The following MPP7 variants were observed in gnomAD, a reference collection of about 807,000 sequenced individuals.
The protein encoded by MPP7 is MAGUK p55 subfamily member 7.
MPP7 carries 60 observed loss-of-function variants against 76.5 expected under a neutral mutation model. The ratio of observed to expected loss-of-function variants is 0.78; its 90% CI spans 0.64 to 0.97. The LOEUF (loss-of-function observed/expected upper bound fraction) is 0.97. Ranked by LOEUF, MPP7 falls within the 50% of genes least tolerant of loss-of-function variation. MPP7 has a pLI of 0.00. For synonymous variants in MPP7, 237 were observed against 244.5 expected (o/e 0.97, Z 0.29); for missense variants, 641 against 694.0 (o/e 0.92, Z 0.86).
intron 1 of MPP7, among the ~76,000 whole-genome samples, chr10:28,287,696 GGAA>G (rs1840820901): frequency 1.3e-5 from 2 of 152,134 alleles, no homozygotes; most frequent in African/African-American, 4.8e-5. Flanking sequence ...AAGCTGGAGG[GGAA>G]GAAGACTTTT....
chr10:28,305,035 G>A (rs964758191), upstream of MPP7, among the ~76,000 whole-genome samples: 8 of 152,122 alleles, frequency 5.3e-5, no homozygotes, highest in Admixed American at 5.2e-4. Flanking sequence ...CAGAGGGATG[G>A]GAGACACACT....
At chr10:28,074,521 T>C (rs989714251) in intron 12 of MPP7, among the ~76,000 whole-genome samples, 6 of 152,276 alleles carry the variant, frequency 3.9e-5, no homozygotes, top group Middle Eastern at 3.4e-3. Flanking sequence ...GGTCTCAAAC[T>C]CCTGGCCTCA....
intron 11 of MPP7, among the ~76,000 whole-genome samples, chr10:28,100,232 T>A (rs1853763166): frequency 6.6e-6 from 1 of 152,054 alleles, no homozygotes; most frequent in African/African-American, 2.4e-5. Flanking sequence ...ATAAAAACAT[T>A]TTGAATATAA....
intron 1 of MPP7, among the ~76,000 whole-genome samples, chr10:28,268,127 G>C (rs906771787): frequency 1.3e-5 from 2 of 152,018 alleles, no homozygotes; most frequent in Non-Finnish European, 2.9e-5. Flanking sequence ...TAGAGAGGAG[G>C]CATACTCTAT....
At chr10:28,313,882 TTTTG>T (rs1841304908) in intron 2 of MPP7, among the ~76,000 whole-genome samples, 1 of 126,090 alleles carries the variant, frequency 7.9e-6, no homozygotes, top group African/African-American at 3.1e-5. Context: ...TTTTATTTTT[TTTTG>T]GTAGAGACAG....
intron 1 of MPP7, among the ~76,000 whole-genome samples, chr10:28,299,814 G>A (rs929044824): frequency 2.1e-5 from 3 of 143,428 alleles, no homozygotes; most frequent in Admixed American, 7.3e-5. Context: ...GGCCCAGGCT[G>A]GAGTGCAGTG....
intron 7 of MPP7, among the ~76,000 whole-genome samples, chr10:28,124,493 T>TG (rs1834947718): frequency 6.8e-6 from 1 of 146,812 alleles, no homozygotes; most frequent in Non-Finnish European, 1.5e-5. Flanking sequence ...TTTTTTTTTT[T>TG]GAGACGGAGT....
chr10:28,185,341 G>A (rs552546170), intron 3 of MPP7, among the ~76,000 whole-genome samples: 2 of 151,966 alleles, frequency 1.3e-5, no homozygotes, highest in Non-Finnish European at 2.9e-5. Context: ...GGCTCACAAT[G>A]CCAGCTCTGA....
At chr10:28,191,216 A>G (rs1335943829) in intron 3 of MPP7, among the ~76,000 whole-genome samples, 2 of 152,212 alleles carry the variant, frequency 1.3e-5, no homozygotes, top group Non-Finnish European at 2.9e-5. Flanking sequence ...GGGAGAAATT[A>G]TACCAATTCT....
chr10:28,137,388 T>C (rs1254437883), intron 5 of MPP7, among the ~76,000 whole-genome samples: 3 of 152,192 alleles, frequency 2.0e-5, no homozygotes, highest in Non-Finnish European at 2.9e-5. Context: ...TGTGGGTCCA[T>C]ACAGAGGAAT....
chr10:28,157,111 G>T (rs181458440), intron 3 of MPP7, among the ~76,000 whole-genome samples: 39 of 152,200 alleles, frequency 2.6e-4, no homozygotes, highest in African/African-American at 8.9e-4. Context: ...TCGGGAGGCT[G>T]AGACAGGAGA....
chr10:28,083,323 A>G (rs1852849715), intron 12 of MPP7, among the ~76,000 whole-genome samples: 1 of 152,112 alleles, frequency 6.6e-6, no homozygotes, highest in African/African-American at 2.4e-5. Flanking sequence ...CTTGGCCATC[A>G]CCAGATCCCA....
chr10:28,241,587 T>G (rs528678231), intron 1 of MPP7, among the ~76,000 whole-genome samples: 6 of 152,284 alleles, frequency 3.9e-5, no homozygotes. Flanking sequence ...GCAGCCATAA[T>G]TATTACTGAC....
chr10:28,082,087 T>C (rs559260381), intron 12 of MPP7, among the ~76,000 whole-genome samples: 20 of 152,340 alleles, frequency 1.3e-4, no homozygotes, highest in African/African-American at 4.8e-4. Context: ...ATGACACTTA[T>C]ACTTTTTCCA....
intron 1 of MPP7, among the ~76,000 whole-genome samples, chr10:28,273,726 A>C (rs1407378873): frequency 6.6e-6 from 1 of 152,242 alleles, no homozygotes; most frequent in Non-Finnish European, 1.5e-5. Context: ...TGCAGAACGC[A>C]ATTATTCTGC....
intron 2 of MPP7, among the ~76,000 whole-genome samples, chr10:28,321,209 G>A (rs888889852): frequency 2.0e-5 from 3 of 152,124 alleles, no homozygotes; most frequent in Non-Finnish European, 4.4e-5. Context: ...TATATTTGGG[G>A]CATATTGTTC....
At chr10:28,156,018 T>C (rs570371087) in intron 3 of MPP7, among the ~76,000 whole-genome samples, 73 of 152,286 alleles carry the variant, frequency 4.8e-4, no homozygotes, top group African/African-American at 1.6e-3. Context: ...TTAACTGTTA[T>C]CTCCATAGAG....
intron 2 of MPP7, among the ~76,000 whole-genome samples, chr10:28,218,367 C>G (rs1223163023): frequency 6.6e-6 from 1 of 152,140 alleles, no homozygotes; most frequent in Non-Finnish European, 1.5e-5. Flanking sequence ...ATGCACTTGG[C>G]AAGCTGTGAT....
At chr10:28,147,712 A>G in intron 4 of MPP7, 149 bp from the exon 5 acceptor site, 1 of 689,136 alleles carries the variant, frequency 1.5e-6, no homozygotes. Context: ...ATCATCAATC[A>G]TTGCTCTTCT....
Sources: allele counts gnomAD v4.1 joint callset (sites outside exome capture counted in the v4.1 genomes callset), GRCh38; gene constraint gnomAD v4.1.1; transcripts MANE v1.5; gene names NCBI Gene and HGNC (gene_info 2026-07-23, HGNC 2026-07-21).